The following MAPK10 variants were observed in gnomAD, a reference collection of about 807,000 sequenced individuals.
MAPK10 encodes mitogen-activated protein kinase 10.
In MAPK10, 25 loss-of-function variants were observed where a neutral mutation model predicts 59.3. The observed-to-expected ratio is 0.42, with a 90% CI of 0.31 to 0.59. MAPK10 has a LOEUF of 0.59. Ranked by LOEUF, MAPK10 falls within the 20% of genes least tolerant of loss-of-function variation. The probability of loss-of-function intolerance (pLI) is 0.15; values close to 1 mark genes in which losing one functional copy is unlikely to be tolerated. For synonymous variants in MAPK10, 190 were observed against 200.5 expected, an observed-to-expected ratio of 0.95 and a Z score of 0.44; for missense variants, 351 against 568.9, an observed-to-expected ratio of 0.62 and a Z score of 3.90.
At chr4:86,355,188 T>C (rs781597120) in intron 1 of MAPK10, among the ~76,000 whole-genome samples, 1 of 152,180 alleles carries the variant, frequency 6.6e-6, no homozygotes, top group Non-Finnish European at 1.5e-5. Context: ...AACATTATAT[T>C]AGACAAGATT....
chr4:86,177,395 T>A (rs568760114), intron 3 of MAPK10, among the ~76,000 whole-genome samples: 1 of 152,268 alleles, frequency 6.6e-6, no homozygotes, highest in African/African-American at 2.4e-5. Context: ...ACTTCTCATG[T>A]TGGTATAGAA....
chr4:86,022,486 C>CCTTTCTTTCTTG (rs565892699), intron 13 of MAPK10, among the ~76,000 whole-genome samples: 1 of 151,574 alleles, frequency 6.6e-6, no homozygotes, highest in South Asian at 2.1e-4. Context: ...GCTCTTTCTT[C>CCTTTCTTTCTTG]CTTTCTTTCT....
chr4:86,264,888 C>CTTTTTTTTTTTTT (rs397879051), intron 2 of MAPK10, among the ~76,000 whole-genome samples: 3 of 95,272 alleles, frequency 3.1e-5, no homozygotes, highest in Non-Finnish European at 6.3e-5. Context: ...TGGCCCTGGA[C>CTTTTTTTTTTTTT]TTTTTTTTTT....
At chr4:86,275,798 C>T (rs1449009147) in intron 2 of MAPK10, among the ~76,000 whole-genome samples, 1 of 152,040 alleles carries the variant, frequency 6.6e-6, no homozygotes, top group African/African-American at 2.4e-5. Flanking sequence ...TTTCAGGAAG[C>T]TTCCCATGAT....
chr4:86,447,458 G>A (rs1446235842), intron 1 of MAPK10, among the ~76,000 whole-genome samples: 1 of 152,130 alleles, frequency 6.6e-6, no homozygotes, highest in Non-Finnish European at 1.5e-5. Context: ...TACACATACT[G>A]TATAAACCAG....
At chr4:86,484,878 C>G (rs547990510) in intron 1 of MAPK10, among the ~76,000 whole-genome samples, 22 of 152,188 alleles carry the variant, frequency 1.4e-4, no homozygotes, top group Admixed American at 6.5e-4. Flanking sequence ...CTCTTGTGTA[C>G]TACAGAGAAT....
intron 2 of MAPK10, among the ~76,000 whole-genome samples, chr4:86,218,852 G>C (rs1334032144): frequency 6.6e-6 from 1 of 152,130 alleles, no homozygotes; most frequent in Non-Finnish European, 1.5e-5. Context: ...CTGATTTGTA[G>C]GGAAGAGGGC....
intron 2 of MAPK10, among the ~76,000 whole-genome samples, chr4:86,226,154 G>T (rs1401618091): frequency 6.6e-6 from 1 of 152,184 alleles, no homozygotes; most frequent in Non-Finnish European, 1.5e-5. Context: ...TTCAGCATCT[G>T]CTGACACACT....
intron 3 of MAPK10, chr4:86,160,310 A>G (rs946400738): frequency 6.6e-6 from 1 of 152,000 alleles, no homozygotes; most frequent in African/African-American, 2.4e-5. Context: ...TAAGAATTCT[A>G]TAGCTAGAAG....
intron 9 of MAPK10, among the ~76,000 whole-genome samples, chr4:86,075,781 C>G (rs979832210): frequency 6.6e-6 from 1 of 152,062 alleles, no homozygotes; most frequent in Admixed American, 6.5e-5. Context: ...GCTGGGAGAA[C>G]CACTGCTCTC....
intron 13 of MAPK10, 160 bp downstream of exon 13, chr4:86,029,037 T>C: frequency 1.4e-6 from 1 of 721,060 alleles, no homozygotes; most frequent in African/African-American, 1.7e-5. Flanking sequence ...CCACACTGAA[T>C]ATCAAAAGAA....
In MAPK10 at chr4:86,572,174, TCAAGTCTAC is replaced by T. The variant is rs796574008; in HGVS notation, c.-263+21727_-263+21735del. Among the ~76,000 whole-genome samples the T allele has an allele frequency of 5.9e-5, 9 of 152,266 alleles. No homozygotes were observed. In the South Asian group the frequency reaches 1.9e-3, roughly 32 times the overall value. On this transcript the variant is annotated intron_variant, in intron 1 of 4. Coordinates refer to the MAPK10 transcript ENST00000502302. ...CACAAAATTTACTCAATTTTTTATT[TCAAGTCTAC>T]CAACACATTCTACCAACACTCTCTA... is the stretch of plus-strand genomic sequence containing the variant.
At chr4:86,355,336 G>T (rs1733867422) in intron 1 of MAPK10, among the ~76,000 whole-genome samples, 1 of 151,762 alleles carries the variant, frequency 6.6e-6, no homozygotes, top group African/African-American at 2.4e-5. Context: ...TCCTGCCCAG[G>T]TGCTCACAAT....
chr4:86,169,573 C>G (rs1022660243), intron 3 of MAPK10, among the ~76,000 whole-genome samples: 2 of 151,862 alleles, frequency 1.3e-5, no homozygotes, highest in Non-Finnish European at 2.9e-5. Context: ...GTGAAAAGAC[C>G]AAATCTACAT....
intron 1 of MAPK10, among the ~76,000 whole-genome samples, chr4:86,511,303 AG>A (rs1756216078): frequency 6.7e-6 from 1 of 150,050 alleles, no homozygotes; most frequent in Admixed American, 6.6e-5. Context: ...GGGCAATGTA[AG>A]GAGACATTTT....
At chr4:86,076,511 T>C (rs951577539) in intron 9 of MAPK10, among the ~76,000 whole-genome samples, 6 of 152,192 alleles carry the variant, frequency 3.9e-5, no homozygotes, top group Non-Finnish European at 5.9e-5. Context: ...GTTTCAAGTA[T>C]TCCAGTAAGA....
At chr4:86,280,839 C>T (rs2094773610) in intron 2 of MAPK10, among the ~76,000 whole-genome samples, 1 of 152,080 alleles carries the variant, frequency 6.6e-6, no homozygotes, top group African/African-American at 2.4e-5. Context: ...TGAATTAACA[C>T]AGAAACAGAA....
chr4:86,282,167 C>T (rs1373208045), intron 2 of MAPK10, among the ~76,000 whole-genome samples: 4 of 152,054 alleles, frequency 2.6e-5, no homozygotes, highest in Admixed American at 6.6e-5. Context: ...TAAGCTGTTG[C>T]TCAGGCTTAT....
chr4:86,214,324 A>G (rs1375771102), intron 2 of MAPK10, among the ~76,000 whole-genome samples: 1 of 152,072 alleles, frequency 6.6e-6, no homozygotes, highest in Non-Finnish European at 1.5e-5. Context: ...CATCAGGAAC[A>G]AGGTAAGGAT....
Sources: allele counts gnomAD v4.1 joint callset (sites outside exome capture counted in the v4.1 genomes callset), GRCh38; gene constraint gnomAD v4.1.1; transcripts MANE v1.5; gene names NCBI Gene and HGNC (gene_info 2026-07-23, HGNC 2026-07-21).